Variants in HELB observed in about 807,000 individuals in gnomAD.
HELB encodes DNA 5'-3' helicase B.
Under a neutral mutation model 101.7 loss-of-function variants are expected in HELB, and 96 were observed. The ratio of observed to expected loss-of-function variants is 0.94; its 90% CI spans 0.80 to 1.12. The LOEUF (loss-of-function observed/expected upper bound fraction) is 1.12, where lower values mean the gene tolerates loss of function less well. Ranked by LOEUF, HELB falls within the 50% of genes most tolerant of loss-of-function variation. The pLI is 0.00. For missense variants in HELB, 1,210 were observed against 1,291.9 expected (o/e 0.94, Z 0.97); for synonymous variants, 437 against 459.7 (o/e 0.95, Z 0.63).
intron 4 of HELB, among the ~76,000 whole-genome samples, chr12:66,311,046 A>G (rs533446562): frequency 6.6e-5 from 10 of 152,260 alleles, no homozygotes; most frequent in African/African-American, 2.4e-4. Flanking sequence ...GATCATTTAG[A>G]TCAATGCTTT....
Position 66,318,753 on chromosome 12 carries a change from G to T in HELB, c.2116G>T (p.Asp706Tyr). The T allele has an allele frequency of 6.2e-7, 1 of 1,610,568 alleles. No individual in the cohort carries two copies. The highest frequency in any genetic ancestry group is 8.5e-7 in the Non-Finnish European group (1 of 1,178,904). Residue 706 changes from aspartate to tyrosine, a missense_variant, in exon 7 of 13, where the codon GAT (aspartate) becomes TAT (tyrosine). Asp to Tyr is a radical substitution (Grantham distance 160). Coordinates refer to ENST00000247815, the MANE Select transcript of HELB (RefSeq NM_001370285.1). ...TATTTTTGTCAGGCTCCCAGAAGAG[G>T]ATGCCAGTTCTCAGTCATCTAAAAC... Reference protein sequence around the residue: ...TFIFVRLPEEDASSQSSKTNH... With the variant: ...TFIFVRLPEEYASSQSSKTNH...
At chr12:66,329,411 C>T (rs1366342260) in intron 11 of HELB, among the ~76,000 whole-genome samples, 4 of 152,018 alleles carry the variant, frequency 2.6e-5, no homozygotes, top group African/African-American at 9.7e-5. Flanking sequence ...ATAGATGGGG[C>T]GGCTACTCCA....
chr12:66,306,663 C>A, intron 3 of HELB, 149 bp downstream of exon 3: 1 of 431,954 alleles, frequency 2.3e-6, no homozygotes. Flanking sequence ...TGTACATAAA[C>A]TTCTTATGGC....
chr12:66,309,859 ACAT>A lies in HELB; in HGVS notation c.932_934del (p.Thr311_Tyr312delinsAsn). The A allele has an allele frequency of 6.2e-7, 1 of 1,614,208 alleles. No homozygotes were observed. Among genetic ancestry groups the A allele is most frequent in the Non-Finnish European group, 8.5e-7 (1 of 1,180,016 alleles). On this transcript the variant is annotated inframe_deletion, in exon 4 of 13. Transcript: ENST00000247815. ...GCAGATATGTAGAGAAGATGGGCAC[ACAT>A]ATGTTGAAGTGAATGACTTAACTTT... is the stretch of plus-strand genomic sequence containing the variant.
intron 9 of HELB, among the ~76,000 whole-genome samples, 184 bp downstream of exon 9, chr12:66,322,967 AT>A (rs1338785839): frequency 6.6e-6 from 1 of 151,958 alleles, no homozygotes; most frequent in African/African-American, 2.4e-5. Flanking sequence ...GGGAATTGAC[AT>A]TTTAGTAATG....
intron 3 of HELB, among the ~76,000 whole-genome samples, chr12:66,308,101 C>A (rs756085191): frequency 6.6e-6 from 1 of 151,312 alleles, no homozygotes; most frequent in African/African-American, 2.4e-5. Flanking sequence ...TATTTTCTGC[C>A]TTCTGGATTA....
Position 66,305,102 on chromosome 12 carries a change from G to A in HELB, c.559G>A (p.Glu187Lys). The A allele has an allele frequency of 6.3e-7, 1 of 1,593,726 alleles. No individual in the cohort carries two copies. Among genetic ancestry groups the A allele is most frequent in the Non-Finnish European group, 8.5e-7 (1 of 1,174,036 alleles). Residue 187 changes from glutamate to lysine, a missense_variant, in exon 2 of 13, where the codon GAA (glutamate) becomes AAA (lysine). By Grantham distance (56) the Glu-to-Lys change is moderately conservative. Around this residue, in one of 2 missense-constraint regions of HELB, gnomAD observed 470 missense variants for 563.1 expected, o/e 0.83. Coordinates refer to ENST00000247815, the MANE Select transcript of HELB (RefSeq NM_001370285.1). ...AAAGCAGCCTACACAGAATGGTCAGGAAGAGTTGTTCCTAGACAATGAGAT... is the reference window on the plus strand; with the variant it reads ...AAAGCAGCCTACACAGAATGGTCAGAAAGAGTTGTTCCTAGACAATGAGAT... ...DQKQPTQNGQ[E>K]ELFLDNEMSL...
chr12:66,332,902 C>T (rs1271571638), intron 12 of HELB, among the ~76,000 whole-genome samples: 1 of 151,998 alleles, frequency 6.6e-6, no homozygotes, highest in African/African-American at 2.4e-5. Flanking sequence ...TCCCACTATG[C>T]TTTTTCTGCT....
chr12:66,338,182 A>T lies in HELB; in HGVS notation c.*80A>T, dbSNP rs895180373. On this transcript the variant is annotated 3_prime_UTR_variant, in exon 13 of 13. Coordinates refer to ENST00000247815, the MANE Select transcript of HELB (RefSeq NM_001370285.1). ...CATCGTAACGTCAAAGTACCAAGATAAAAAAAGTTTCCTATAACTGGAGTT... is the reference window on the plus strand; with the variant it reads ...CATCGTAACGTCAAAGTACCAAGATTAAAAAAGTTTCCTATAACTGGAGTT... 3 of 846,344 alleles carry T rather than the reference A, an allele frequency of 3.5e-6. No homozygotes were observed. The African/African-American group carries it at 5.2e-5, about 15-fold the overall frequency. 52.4% of individuals were successfully genotyped at this position (846,344 alleles called of 1,614,324 possible). A position where few individuals can be genotyped will look rare whatever the true frequency, so the allele number is the denominator to read the frequency against.
chr12:66,319,241 G>A (rs1439641428), intron 7 of HELB, among the ~76,000 whole-genome samples: 2 of 152,176 alleles, frequency 1.3e-5, no homozygotes, highest in South Asian at 2.1e-4. Flanking sequence ...CTGTTGCCAA[G>A]TTTAATTCCT....
At chr12:66,315,996 T>C (rs187968456) in intron 6 of HELB, among the ~76,000 whole-genome samples, 3 of 152,366 alleles carry the variant, frequency 2.0e-5, no homozygotes, top group East Asian at 3.9e-4. Context: ...CGCCACATAA[T>C]GTTTGGTCAA....
At chr12:66,309,391 T>C (rs1251885797) in intron 3 of HELB, among the ~76,000 whole-genome samples, 1 of 152,142 alleles carries the variant, frequency 6.6e-6, no homozygotes, top group Non-Finnish European at 1.5e-5. Context: ...AAGAAATAAC[T>C]AAAGTGTTGG....
At chr12:66,314,815 T>C (rs1209159231) in intron 5 of HELB, among the ~76,000 whole-genome samples, 1 of 152,212 alleles carries the variant, frequency 6.6e-6, no homozygotes, top group Non-Finnish European at 1.5e-5. Context: ...AAAAATATTT[T>C]TAATAGAGCA....
At chr12:66,342,340 T>C (rs2053923529), downstream of HELB, 1 of 152,054 alleles carries the variant, frequency 6.6e-6, no homozygotes, top group Non-Finnish European at 1.5e-5. Context: ...TTATGGATTT[T>C]AAATTCTATT....
At chr12:66,335,565 A>G (rs1237792249) in intron 12 of HELB, among the ~76,000 whole-genome samples, 1 of 152,228 alleles carries the variant, frequency 6.6e-6, no homozygotes, top group Non-Finnish European at 1.5e-5. Context: ...CTTGTGGTCA[A>G]GGAAAACTTT....
chr12:66,303,101 T>C (rs1349927914), intron 1 of HELB, among the ~76,000 whole-genome samples: 3 of 112,864 alleles, frequency 2.7e-5, no homozygotes, highest in Non-Finnish European at 6.0e-5. Context: ...TTTTTTTTTT[T>C]TTTTTTAAAA....
In HELB at chr12:66,312,834, ACTTG is replaced by A. The variant is rs1260321376; in HGVS notation, c.1681-1148_1681-1145del. Among the ~76,000 whole-genome samples, 10 of 152,316 alleles carry A rather than the reference ACTTG, an allele frequency of 6.6e-5. No homozygotes were observed. The East Asian group carries it at 1.7e-3, about 26-fold the overall frequency. Reference sequence around the variant, plus strand: ...TAAGTTTGTATCAAATAATTCATTGACTTGCTTATACTAAAGTCATTTATTGTGT... The same window carrying A: ...TAAGTTTGTATCAAATAATTCATTGACTTATACTAAAGTCATTTATTGTGT... On this transcript the variant is annotated intron_variant, in intron 4 of 12. Coordinates refer to ENST00000247815, the MANE Select transcript of HELB (RefSeq NM_001370285.1).
intron 11 of HELB, among the ~76,000 whole-genome samples, chr12:66,328,908 G>A (rs894907718): frequency 6.6e-6 from 1 of 152,016 alleles, no homozygotes; most frequent in African/African-American, 2.4e-5. Context: ...ATTTTAAGCT[G>A]CATATATGAC....
intron 12 of HELB, among the ~76,000 whole-genome samples, chr12:66,335,967 C>T: frequency 6.6e-6 from 1 of 152,148 alleles, no homozygotes; most frequent in Non-Finnish European, 1.5e-5. Context: ...CCCTTCTGTA[C>T]TGCACCTGTA....
Sources: allele counts gnomAD v4.1 joint callset (sites outside exome capture counted in the v4.1 genomes callset), GRCh38; gene constraint gnomAD v4.1.1; regional missense constraint gnomAD v4.1.1; transcripts MANE v1.5; gene names NCBI Gene and HGNC (gene_info 2026-07-23, HGNC 2026-07-21).